The following FRMPD4 variants were observed in gnomAD, a reference collection of about 807,000 sequenced individuals.
The protein encoded by FRMPD4 is FERM and PDZ domain-containing protein 4.
Under a neutral mutation model 94.1 loss-of-function variants are expected in FRMPD4, and 22 were observed. That is an observed-to-expected ratio of 0.23 (90% CI 0.17 to 0.33). The LOEUF (loss-of-function observed/expected upper bound fraction) is 0.33. Among genes scored for constraint, FRMPD4 ranks in the 10% least tolerant of loss-of-function variants. FRMPD4 has a pLI of 1.00. For missense variants in FRMPD4, 1,111 were observed against 1,339.9 expected (o/e 0.83, Z 2.67); for synonymous variants, 631 against 548.6 (o/e 1.15, Z -2.10).
intron 3 of FRMPD4, among the ~76,000 whole-genome samples, chrX:12,129,047 G>T (rs765816164): frequency 9.0e-6 from 1 of 111,647 alleles, no homozygotes; most frequent in South Asian, 3.8e-4. Context: ...ACATCTTCCT[G>T]TCTTCTTCTG....
At chrX:12,008,429 C>G (rs938696892) in intron 3 of FRMPD4, among the ~76,000 whole-genome samples, 2 of 112,128 alleles carry the variant, frequency 1.8e-5, no homozygotes, top group African/African-American at 6.5e-5. Flanking sequence ...TTGTCTTTGG[C>G]TTATGTCAAG....
chrX:12,529,146 T>C (rs141554336), intron 2 of FRMPD4, among the ~76,000 whole-genome samples: 129 of 112,239 alleles, frequency 1.1e-3, no homozygotes, highest in African/African-American at 3.9e-3. Context: ...GAAAGTTAGA[T>C]TGGGGAAGGA....
intron 2 of FRMPD4, among the ~76,000 whole-genome samples, chrX:12,499,543 C>T (rs915452226): frequency 5.3e-4 from 59 of 112,197 alleles, no homozygotes; most frequent in African/African-American, 1.8e-3. Flanking sequence ...CCCCTTACCC[C>T]CTGGTGACAT....
intron 3 of FRMPD4, among the ~76,000 whole-genome samples, chrX:12,004,428 C>G (rs1220771269): frequency 8.9e-6 from 1 of 111,817 alleles, no homozygotes; most frequent in East Asian, 2.8e-4. Flanking sequence ...AATCTCCATG[C>G]AGCCCACATA....
chrX:12,262,317 G>A, intron 1 of FRMPD4, among the ~76,000 whole-genome samples: 1 of 111,162 alleles, frequency 9.0e-6, no homozygotes, highest in Non-Finnish European at 1.9e-5. Flanking sequence ...GTCTCACTAT[G>A]TTGCCCAGGC....
At chrX:12,471,397 C>A (rs1306783418) in intron 1 of FRMPD4, among the ~76,000 whole-genome samples, 2 of 111,722 alleles carry the variant, frequency 1.8e-5, no homozygotes, top group Non-Finnish European at 3.8e-5. Context: ...ACAGAAAATA[C>A]CTGAAGTGAA....
chrX:11,941,360 A>G (rs2054158956), intron 3 of FRMPD4, among the ~76,000 whole-genome samples: 1 of 111,428 alleles, frequency 9.0e-6, no homozygotes, highest in Admixed American at 9.5e-5. Context: ...TTAAGAGGTG[A>G]TTATTATGAG....
At chrX:11,875,805 C>T (rs984024642) in intron 2 of FRMPD4, among the ~76,000 whole-genome samples, 10 of 110,780 alleles carry the variant, frequency 9.0e-5, no homozygotes, top group East Asian at 8.4e-4. Context: ...AAAATAAGCC[C>T]CCCAGAGGGG....
intron 2 of FRMPD4, among the ~76,000 whole-genome samples, chrX:12,566,673 ATTAT>A (rs1425912406): frequency 8.9e-6 from 1 of 112,162 alleles, no homozygotes; most frequent in Non-Finnish European, 1.9e-5. Flanking sequence ...GAGCTAAGAA[ATTAT>A]TTATCGAAAC....
intron 1 of FRMPD4, among the ~76,000 whole-genome samples, chrX:12,164,075 T>G (rs72612872): frequency 9.0e-6 from 1 of 111,091 alleles, no homozygotes; most frequent in East Asian, 2.8e-4. Context: ...CTTTTAAGTT[T>G]TAGAATATAT....
chrX:12,399,894 G>A (rs953460121), intron 1 of FRMPD4, among the ~76,000 whole-genome samples: 9 of 111,829 alleles, frequency 8.0e-5, no homozygotes, highest in African/African-American at 2.9e-4. Context: ...AGAAAGAGGT[G>A]ATGTTAGGCA....
chrX:12,419,541 C>A (rs2056855414), intron 1 of FRMPD4, among the ~76,000 whole-genome samples: 1 of 111,600 alleles, frequency 9.0e-6, no homozygotes, highest in South Asian at 3.9e-4. Context: ...TAGATGTAAG[C>A]AACATGCACA....
intron 1 of FRMPD4, among the ~76,000 whole-genome samples, chrX:12,249,558 C>G (rs1391432788): frequency 9.0e-6 from 1 of 111,172 alleles, no homozygotes; most frequent in Admixed American, 9.6e-5. Context: ...GGTTTGCTTC[C>G]TACTTAATCA....
intron 1 of FRMPD4, among the ~76,000 whole-genome samples, chrX:12,205,338 A>C (rs1324062486): frequency 7.1e-5 from 8 of 112,039 alleles, no homozygotes; most frequent in Non-Finnish European, 1.5e-4. Flanking sequence ...TAAGGAATCA[A>C]CATTGTATAA....
At chrX:12,440,875 AT>A (rs2057128098) in intron 1 of FRMPD4, among the ~76,000 whole-genome samples, 1 of 99,453 alleles carries the variant, frequency 1.0e-5, no homozygotes, top group African/African-American at 4.8e-5. Context: ...AACCAAAGAG[AT>A]AGATAGTGAA....
Position 12,300,383 on chromosome X carries a change from G to A in FRMPD4, c.41+161371G>A, listed in dbSNP as rs180961981. Among the ~76,000 whole-genome samples, 56 of 111,939 alleles carry A rather than the reference G, an allele frequency of 5.0e-4. 1 individual carries two copies. The South Asian group carries it at 0.017, about 35-fold the overall frequency. ...AGGGCCAGTAAGGCTCTGGAGGCAG[G>A]ATGGAAAGGGGACAGGGAATTCGAA... On this transcript the variant is annotated intron_variant, in intron 1 of 16. Coordinates refer to ENST00000675598, the MANE Select transcript of FRMPD4 (RefSeq NM_001368397.1).
intron 3 of FRMPD4, among the ~76,000 whole-genome samples, chrX:12,050,874 T>A (rs777273993): frequency 9.0e-6 from 1 of 111,420 alleles, no homozygotes; most frequent in South Asian, 3.8e-4. Flanking sequence ...GTACAAGATG[T>A]TTATATTAAC....
rs985954779 is a variant in FRMPD4, at chrX:12,636,039, C to CA, written c.422+21164dup. On this transcript the variant is annotated intron_variant, in intron 4 of 16. Transcript: ENST00000675598. ...GTCTCTAAAGGATAAGCATTCTTTA[C>CA]AAAAAATAAAAACCCACAATGCCAT... Among the ~76,000 whole-genome samples, 11 of 111,436 alleles carry CA rather than the reference C, an allele frequency of 9.9e-5. No homozygotes were observed. The South Asian group carries it at 1.1e-3, about 11-fold the overall frequency.
Position 12,415,280 on chromosome X carries a change from G to A in FRMPD4, c.42-83400G>A, listed in dbSNP as rs151180901. 1.8e-3 allele frequency among the ~76,000 whole-genome samples: 196 copies of A among 111,710 alleles called. 1 individual carries two copies. The highest frequency in any genetic ancestry group is 6.1e-3 in the African/African-American group (188 of 30,755). The stretch of plus-strand genomic sequence containing the variant: ...AAGTACAGCCCTACTGAGCATCTCT[G>A]GAGGTGGCCAAAGTTGCATCAGAAA... On this transcript the variant is annotated intron_variant, in intron 1 of 16. Transcript: ENST00000675598.
Sources: gnomAD v4.1 joint callset for allele counts (sites outside exome capture counted in the v4.1 genomes callset) on GRCh38, gnomAD v4.1.1 for gene constraint, MANE v1.5 for transcripts, NCBI Gene and HGNC (gene_info 2026-07-23, HGNC 2026-07-21) for gene names.